Variants in KAZN observed in about 807,000 individuals in gnomAD.
KAZN encodes kazrin, periplakin interacting protein.
Under a neutral mutation model 87.4 loss-of-function variants are expected in KAZN, and 40 were observed. The observed-to-expected ratio is 0.46, with a 90% confidence interval of 0.36 to 0.60. KAZN has a LOEUF of 0.60. Among genes scored for constraint, KAZN ranks in the 20% least tolerant of loss-of-function variants. The pLI is 0.00. For synonymous variants in KAZN, 466 were observed against 458.3 expected (o/e 1.02, Z -0.22); for missense variants, 898 against 1,073.9 (o/e 0.84, Z 2.29).
intron 2 of KAZN, among the ~76,000 whole-genome samples, chr1:14,278,751 A>T (rs185790795): frequency 3.7e-3 from 570 of 152,092 alleles, no homozygotes; most frequent in Non-Finnish European, 6.6e-3. Context: ...TGGCTTTTTA[A>T]TTTATTGTAT....
intron 1 of KAZN, among the ~76,000 whole-genome samples, chr1:14,075,827 G>A (rs979272363): frequency 2.6e-5 from 4 of 152,078 alleles, no homozygotes; most frequent in Admixed American, 6.5e-5. Flanking sequence ...CCCACCGGAC[G>A]TCAGTGGCAC....
intron 2 of KAZN, among the ~76,000 whole-genome samples, chr1:14,372,074 G>C (rs1261398319): frequency 6.6e-6 from 1 of 152,176 alleles, no homozygotes; most frequent in East Asian, 1.9e-4. Flanking sequence ...TGGTAGATCT[G>C]AACAGACTGA....
intron 1 of KAZN, among the ~76,000 whole-genome samples, chr1:14,057,364 A>T (rs1411672837): frequency 6.6e-6 from 1 of 151,900 alleles, no homozygotes; most frequent in Non-Finnish European, 1.5e-5. Context: ...CGAACTCCTG[A>T]CCTCATAATC....
At chr1:13,929,047 CTTTTTT>C (rs33984927) in intron 1 of KAZN, among the ~76,000 whole-genome samples, 93 of 101,522 alleles carry the variant, frequency 9.2e-4, no homozygotes, top group East Asian at 8.4e-3. Flanking sequence ...AGCTTCAAGG[CTTTTTT>C]TTTTTTTTTT....
At chr1:14,959,925 G>A (rs758334061) in intron 1 of KAZN, among the ~76,000 whole-genome samples, 2 of 152,190 alleles carry the variant, frequency 1.3e-5, no homozygotes, top group African/African-American at 2.4e-5. Context: ...AGGAGACACC[G>A]TGTTCTCCTT....
intron 1 of KAZN, among the ~76,000 whole-genome samples, chr1:14,005,271 C>G (rs1050724472): frequency 6.6e-6 from 1 of 152,094 alleles, no homozygotes; most frequent in Non-Finnish European, 1.5e-5. Flanking sequence ...CAAGACCAAG[C>G]TGATGGCCGC....
intron 1 of KAZN, among the ~76,000 whole-genome samples, chr1:13,983,623 T>C (rs1443678963): frequency 6.6e-6 from 1 of 152,162 alleles, no homozygotes; most frequent in Non-Finnish European, 1.5e-5. Context: ...AGCGAAGCGA[T>C]GGGCTGAAGG....
intron 2 of KAZN, among the ~76,000 whole-genome samples, chr1:14,353,583 G>C (rs975529381): frequency 6.6e-5 from 10 of 152,126 alleles, no homozygotes; most frequent in African/African-American, 2.4e-4. Flanking sequence ...CGTAGTAAGT[G>C]AATGTACCAA....
intron 2 of KAZN, among the ~76,000 whole-genome samples, chr1:14,545,600 T>C (rs1284933108): frequency 6.6e-6 from 1 of 152,164 alleles, no homozygotes; most frequent in Non-Finnish European, 1.5e-5. Flanking sequence ...AAGAGCTTAA[T>C]AAGCATGTAT....
intron 1 of KAZN, among the ~76,000 whole-genome samples, chr1:14,037,489 T>G (rs1557798345): frequency 6.6e-6 from 1 of 152,206 alleles, no homozygotes; most frequent in African/African-American, 2.4e-5. Flanking sequence ...ACCTCCCTTG[T>G]TGGTCAGTGG....
At chr1:14,146,406 G>C (rs1645349364) in intron 1 of KAZN, among the ~76,000 whole-genome samples, 1 of 151,310 alleles carries the variant, frequency 6.6e-6, no homozygotes. Flanking sequence ...CATGGTGGTG[G>C]GCACCTGTAA....
intron 2 of KAZN, among the ~76,000 whole-genome samples, chr1:14,984,602 T>A (rs1461261942): frequency 6.6e-6 from 1 of 152,120 alleles, no homozygotes; most frequent in Non-Finnish European, 1.5e-5. Flanking sequence ...GCAATGCATG[T>A]ATCTAGTGCC....
chr1:14,392,131 A>G (rs1662493484), intron 2 of KAZN, among the ~76,000 whole-genome samples: 1 of 152,188 alleles, frequency 6.6e-6, no homozygotes, highest in Non-Finnish European at 1.5e-5. Context: ...CAAAGGTGAT[A>G]GCCTTTAAAC....
At chr1:14,128,875 C>T (rs1644930846) in intron 1 of KAZN, among the ~76,000 whole-genome samples, 3 of 152,126 alleles carry the variant, frequency 2.0e-5, no homozygotes, top group African/African-American at 4.8e-5. Context: ...CCCTTCAACC[C>T]ATCTGATCAT....
chr1:14,182,041 C>T (rs763764515), intron 2 of KAZN, among the ~76,000 whole-genome samples: 9 of 152,076 alleles, frequency 5.9e-5, no homozygotes, highest in Non-Finnish European at 1.2e-4. Flanking sequence ...TTGCTCCCAC[C>T]GAGTGCCTAA....
intron 1 of KAZN, among the ~76,000 whole-genome samples, chr1:14,825,102 C>T (rs1208906122): frequency 1.3e-5 from 2 of 152,260 alleles, no homozygotes; most frequent in African/African-American, 4.8e-5. Flanking sequence ...TGCCCCAGGC[C>T]TAAACAGGGA....
chr1:13,937,717 T>C (rs1054719894), intron 1 of KAZN, among the ~76,000 whole-genome samples: 2 of 152,114 alleles, frequency 1.3e-5, no homozygotes, highest in African/African-American at 4.8e-5. Context: ...GTGAGAGATA[T>C]GGGTCCAGTT....
At position 14,949,278 on chromosome 1, in the gene KAZN, AC is replaced by A. The variant is rs761124798; in HGVS notation, c.227-11405del. Among the ~76,000 whole-genome samples the A allele has an allele frequency of 1.3e-5, 2 of 152,012 alleles. No homozygotes were observed. Among genetic ancestry groups the A allele is most frequent in the Non-Finnish European group, 2.9e-5 (2 of 68,024 alleles). On this transcript the variant is annotated intron_variant, in intron 1 of 14. Transcript: ENST00000376030. This position sits in a 1 kb window ranked among gnomAD's most constrained non-coding sequence, Gnocchi z 4.3. ...TTTATTAAAACAACAGTTAATAAAT[AC>A]TAACTTAAAAACAAAAAAAAGAAAA...
intron 6 of KAZN, chr1:15,060,625 C>T: frequency 3.0e-6 from 1 of 338,078 alleles, no homozygotes; most frequent in Non-Finnish European, 5.6e-6. Flanking sequence ...CCACACATTA[C>T]CTTCCAGAGC....
Sources: allele counts gnomAD v4.1 joint callset (sites outside exome capture counted in the v4.1 genomes callset), GRCh38; gene constraint gnomAD v4.1.1; non-coding constraint Gnocchi (gnomAD v3.1); transcripts MANE v1.5; gene names NCBI Gene and HGNC (gene_info 2026-07-23, HGNC 2026-07-21).